MACROD2: variants seen among roughly 807,000 people sequenced by gnomAD.
MACROD2 encodes ADP-ribose glycohydrolase MACROD2.
Under a neutral mutation model 70.4 loss-of-function variants are expected in MACROD2, and 36 were observed. The observed-to-expected ratio is 0.51, with a 90% CI of 0.39 to 0.68. MACROD2 has a LOEUF of 0.68. Among genes scored for constraint, MACROD2 ranks in the 30% least tolerant of loss-of-function variants. MACROD2 has a pLI of 0.00. For synonymous variants in MACROD2, 172 were observed against 178.8 expected (o/e 0.96, Z 0.30); for missense variants, 496 against 538.4 (o/e 0.92, Z 0.78).
chr20:15,863,597 A>G (rs929621636), intron 9 of MACROD2, among the ~76,000 whole-genome samples: 4 of 152,186 alleles, frequency 2.6e-5, no homozygotes, highest in Non-Finnish European at 5.9e-5. Flanking sequence ...GGAAATTTCA[A>G]GCTACTGTGA....
At chr20:14,920,772 T>C (rs1369978693) in intron 5 of MACROD2, among the ~76,000 whole-genome samples, 1 of 152,320 alleles carries the variant, frequency 6.6e-6, no homozygotes, top group Middle Eastern at 3.4e-3. Flanking sequence ...TGCAGTGTAA[T>C]GAATGAGATT....
At chr20:15,082,410 G>A (rs2075710989) in intron 5 of MACROD2, among the ~76,000 whole-genome samples, 1 of 152,022 alleles carries the variant, frequency 6.6e-6, no homozygotes, top group African/African-American at 2.4e-5. Flanking sequence ...AATGGATTGT[G>A]GCCATTGGTA....
At chr20:14,179,860 G>A (rs937514818) in intron 3 of MACROD2, among the ~76,000 whole-genome samples, 1 of 152,168 alleles carries the variant, frequency 6.6e-6, no homozygotes, top group African/African-American at 2.4e-5. Context: ...AGACTAGATA[G>A]TGTGTCTAGA....
At chr20:14,664,462 CT>C (rs936056002) in intron 4 of MACROD2, among the ~76,000 whole-genome samples, 2 of 151,868 alleles carry the variant, frequency 1.3e-5, no homozygotes, top group Non-Finnish European at 2.9e-5. Context: ...TGGTTGCTTT[CT>C]TTTTTTTAGG....
At chr20:15,059,405 GAAAAA>G (rs1349579539) in intron 5 of MACROD2, among the ~76,000 whole-genome samples, 1 of 150,596 alleles carries the variant, frequency 6.6e-6, no homozygotes, top group South Asian at 2.1e-4. Flanking sequence ...AATAGAAAAA[GAAAAA>G]AAAAGAAAAG....
intron 4 of MACROD2, among the ~76,000 whole-genome samples, chr20:14,605,329 T>C (rs924589439): frequency 3.3e-5 from 5 of 152,104 alleles, no homozygotes; most frequent in Non-Finnish European, 7.4e-5. Context: ...AGGAGTTCCT[T>C]TGGCTCGTAG....
intron 8 of MACROD2, among the ~76,000 whole-genome samples, chr20:15,844,519 G>A (rs1307362878): frequency 6.6e-6 from 1 of 152,152 alleles, no homozygotes; most frequent in Non-Finnish European, 1.5e-5. Context: ...GAGCTTTAGT[G>A]AGGTTAAGCA....
intron 15 of MACROD2, among the ~76,000 whole-genome samples, chr20:16,011,173 T>C (rs1472747069): frequency 6.6e-6 from 1 of 152,152 alleles, no homozygotes; most frequent in Non-Finnish European, 1.5e-5. Context: ...TTTCTGGCAG[T>C]CCTCTCCCTG....
chr20:14,363,133 ACT>A (rs2083238847), intron 3 of MACROD2, among the ~76,000 whole-genome samples: 1 of 151,644 alleles, frequency 6.6e-6, no homozygotes, highest in East Asian at 1.9e-4. Context: ...TTGAGCTCTA[ACT>A]CTCACTCTAT....
At chr20:15,902,036 A>T (rs2065071730) in intron 10 of MACROD2, among the ~76,000 whole-genome samples, 2 of 152,234 alleles carry the variant, frequency 1.3e-5, no homozygotes, top group Admixed American at 1.3e-4. Flanking sequence ...CCTTCCAGCG[A>T]TCCACAAGGT....
chr20:14,952,228 C>A (rs548965387), intron 5 of MACROD2, among the ~76,000 whole-genome samples: 11 of 152,214 alleles, frequency 7.2e-5, no homozygotes, highest in Admixed American at 2.0e-4. Flanking sequence ...GGTTCCCACC[C>A]CTTGCTGAGC....
chr20:14,925,185 A>G (rs1036905379), intron 5 of MACROD2, among the ~76,000 whole-genome samples: 10 of 152,064 alleles, frequency 6.6e-5, no homozygotes, highest in African/African-American at 2.4e-4. Context: ...CATCTCAAAG[A>G]TAAATGGGAG....
chr20:14,389,254 C>T (rs2083500810), intron 3 of MACROD2, among the ~76,000 whole-genome samples: 1 of 151,512 alleles, frequency 6.6e-6, no homozygotes, highest in Non-Finnish European at 1.5e-5. Flanking sequence ...AACCTCGTCT[C>T]TACTAAAAAT....
intron 5 of MACROD2, among the ~76,000 whole-genome samples, chr20:15,153,207 T>C (rs1032100848): frequency 4.6e-5 from 7 of 151,984 alleles, no homozygotes; most frequent in African/African-American, 1.7e-4. Context: ...GCAACGAGGC[T>C]ATTTATTTCA....
intron 4 of MACROD2, among the ~76,000 whole-genome samples, chr20:14,536,662 T>TGTGTGC (rs1489076629): frequency 2.1e-5 from 3 of 143,494 alleles, no homozygotes; most frequent in African/African-American, 7.4e-5. Flanking sequence ...TGTGTGTGTG[T>TGTGTGC]GCATGCATGT....
chr20:14,387,668 C>T (rs916993063), intron 3 of MACROD2, among the ~76,000 whole-genome samples: 1 of 152,212 alleles, frequency 6.6e-6, no homozygotes, highest in Non-Finnish European at 1.5e-5. Flanking sequence ...CACCAACAAG[C>T]CATACCAAGT....
chr20:14,854,821 C>A (rs2073236589), intron 5 of MACROD2, among the ~76,000 whole-genome samples: 1 of 152,080 alleles, frequency 6.6e-6, no homozygotes, highest in Non-Finnish European at 1.5e-5. Flanking sequence ...TCGAGACCAT[C>A]CTGGCTAACA....
intron 8 of MACROD2, among the ~76,000 whole-genome samples, chr20:15,621,136 TG>T (rs1325360089): frequency 1.3e-4 from 20 of 152,298 alleles, no homozygotes; most frequent in African/African-American, 4.6e-4. Context: ...AGGTGGATGT[TG>T]GGCTGAACTT....
chr20:15,560,306 C>G (rs185222229), intron 8 of MACROD2, among the ~76,000 whole-genome samples: 1 of 152,250 alleles, frequency 6.6e-6, no homozygotes, highest in East Asian at 1.9e-4. Flanking sequence ...CTACTCAGGT[C>G]ACTCATTTGT....
Sources: gnomAD v4.1 joint callset for allele counts (sites outside exome capture counted in the v4.1 genomes callset) on GRCh38, gnomAD v4.1.1 for gene constraint, MANE v1.5 for transcripts, NCBI Gene and HGNC (gene_info 2026-07-23, HGNC 2026-07-21) for gene names.